CNTNAP2: variants seen among roughly 807,000 people sequenced by gnomAD.
The protein encoded by CNTNAP2 is contactin-associated protein-like 2.
In CNTNAP2, 98 loss-of-function variants were observed where a neutral mutation model predicts 155.2. The observed-to-expected ratio is 0.63, with a 90% CI of 0.54 to 0.75. The LOEUF (loss-of-function observed/expected upper bound fraction) is 0.75, where lower values mean the gene tolerates loss of function less well. Among genes scored for constraint, CNTNAP2 ranks in the 30% least tolerant of loss-of-function variants. The probability of loss-of-function intolerance (pLI) is 0.00; values close to 1 mark genes in which losing one functional copy is unlikely to be tolerated. For synonymous variants in CNTNAP2, 651 were observed against 631.2 expected (o/e 1.03, Z -0.47); for missense variants, 1,727 against 1,688.1 (o/e 1.02, Z -0.40).
intron 7 of CNTNAP2, 30 bp downstream of exon 7, chr7:147,128,866 C>A: frequency 6.2e-7 from 1 of 1,613,244 alleles, no homozygotes; most frequent in Non-Finnish European, 8.5e-7. Flanking sequence ...AAATATTGGT[C>A]TATAAAATAT....
intron 20 of CNTNAP2, among the ~76,000 whole-genome samples, chr7:148,260,371 A>T (rs1796537082): frequency 6.6e-6 from 1 of 152,176 alleles, no homozygotes; most frequent in South Asian, 2.1e-4. Context: ...ATACGAGATC[A>T]TACCTATCTA....
rs574277649 is a variant in CNTNAP2, at chr7:146,348,930, A to G, written c.97+231957A>G. On this transcript the variant is annotated intron_variant, in intron 1 of 23. Transcript: ENST00000361727. Reference sequence around the variant, plus strand: ...ATAAGAGATAGACTTTCTTCTTATAAGTTCATCAGTTTCAAATAATCTTGC... The same window carrying G: ...ATAAGAGATAGACTTTCTTCTTATAGGTTCATCAGTTTCAAATAATCTTGC... Among the ~76,000 whole-genome samples the G allele has an allele frequency of 2.0e-5, 3 of 151,670 alleles. No individual in the cohort carries two copies. The South Asian group carries it at 6.2e-4, about 31-fold the overall frequency.
chr7:146,662,938 C>T (rs1359126435), intron 1 of CNTNAP2, among the ~76,000 whole-genome samples: 1 of 151,996 alleles, frequency 6.6e-6, no homozygotes, highest in Non-Finnish European at 1.5e-5. Context: ...TATTTATGTC[C>T]TTTTGCAAAC....
At chr7:148,072,928 A>C (rs373796922) in intron 15 of CNTNAP2, among the ~76,000 whole-genome samples, 1 of 152,108 alleles carries the variant, frequency 6.6e-6, no homozygotes, top group Non-Finnish European at 1.5e-5. Context: ...GGCTTGTCTC[A>C]GACTCCTGAC....
intron 3 of CNTNAP2, among the ~76,000 whole-genome samples, chr7:146,920,109 T>C (rs1796471772): frequency 6.6e-6 from 1 of 152,160 alleles, no homozygotes; most frequent in Non-Finnish European, 1.5e-5. Flanking sequence ...ATCTCAAATG[T>C]TACCATAAAA....
intron 13 of CNTNAP2, among the ~76,000 whole-genome samples, chr7:147,865,268 G>A (rs140088163): frequency 0.033 from 4,968 of 152,276 alleles, 138 homozygotes; most frequent in Non-Finnish European, 0.052. Flanking sequence ...TGCATCCCAG[G>A]GATGAAGCTG....
intron 9 of CNTNAP2, among the ~76,000 whole-genome samples, chr7:147,333,165 A>G (rs183243711): frequency 1.2e-4 from 18 of 152,288 alleles, no homozygotes; most frequent in African/African-American, 4.3e-4. Flanking sequence ...GCACAAGCCA[A>G]GACAGATGGA....
chr7:146,778,547 C>T (rs1802429608), intron 2 of CNTNAP2, among the ~76,000 whole-genome samples: 1 of 152,152 alleles, frequency 6.6e-6, no homozygotes, highest in Non-Finnish European at 1.5e-5. Context: ...TTTAATCCAT[C>T]GAAGGCTTCC....
intron 8 of CNTNAP2, among the ~76,000 whole-genome samples, chr7:147,200,437 G>A (rs1802899552): frequency 6.6e-6 from 1 of 152,052 alleles, no homozygotes; most frequent in African/African-American, 2.4e-5. Context: ...TAATTCAGAG[G>A]GTCTGCATAC....
At chr7:147,002,295 C>T (rs1320316768) in intron 3 of CNTNAP2, among the ~76,000 whole-genome samples, 3 of 152,008 alleles carry the variant, frequency 2.0e-5, no homozygotes, top group African/African-American at 7.2e-5. Context: ...AATGAAGGTT[C>T]TGCAGCTTCC....
intron 1 of CNTNAP2, among the ~76,000 whole-genome samples, chr7:146,166,845 C>T (rs1798319121): frequency 6.6e-6 from 1 of 152,136 alleles, no homozygotes; most frequent in Non-Finnish European, 1.5e-5. Flanking sequence ...TGCTTGAGCA[C>T]CCAAGGGCTC....
intron 2 of CNTNAP2, chr7:146,782,332 T>A (rs1802505971): frequency 6.6e-6 from 1 of 152,210 alleles, no homozygotes; most frequent in African/African-American, 2.4e-5. Flanking sequence ...AATGGGGCAT[T>A]TCAGGATATT....
chr7:146,753,108 T>A (rs1801934219), intron 1 of CNTNAP2, among the ~76,000 whole-genome samples: 1 of 152,170 alleles, frequency 6.6e-6, no homozygotes, highest in African/African-American at 2.4e-5. Flanking sequence ...TAAATCTAAA[T>A]AAATTCTACT....
chr7:147,854,556 C>A (rs1039628063), intron 13 of CNTNAP2, among the ~76,000 whole-genome samples: 5 of 152,076 alleles, frequency 3.3e-5, no homozygotes, highest in Non-Finnish European at 7.3e-5. Context: ...ATATAAAACT[C>A]CCCAGCCCCT....
chr7:148,041,889 T>A (rs757697), intron 15 of CNTNAP2, among the ~76,000 whole-genome samples: 50,825 of 151,964 alleles, frequency 0.33, 9,460 homozygotes, highest in East Asian at 0.76. Flanking sequence ...ATTATTTTTT[T>A]AAAAAACTGG....
At chr7:147,396,768 T>A (rs1796823692) in intron 10 of CNTNAP2, among the ~76,000 whole-genome samples, 1 of 152,038 alleles carries the variant, frequency 6.6e-6, no homozygotes, top group African/African-American at 2.4e-5. Context: ...CTAAGATATA[T>A]TGAAGTCTTT....
intron 14 of CNTNAP2, among the ~76,000 whole-genome samples, chr7:147,923,853 CGT>C (rs952434377): frequency 1.2e-4 from 18 of 152,036 alleles, no homozygotes; most frequent in Admixed American, 5.2e-4. Context: ...CAGAAAAAAA[CGT>C]AGTCTGCAAA....
chr7:146,150,607 G>A (rs557186155), intron 1 of CNTNAP2, among the ~76,000 whole-genome samples: 11 of 150,916 alleles, frequency 7.3e-5, no homozygotes, highest in Non-Finnish European at 1.2e-4. Flanking sequence ...ACCTACATAG[G>A]GGCAATTTAA....
intron 1 of CNTNAP2, among the ~76,000 whole-genome samples, chr7:146,215,998 G>A (rs1799106599): frequency 2.0e-5 from 3 of 152,214 alleles, no homozygotes; most frequent in Non-Finnish European, 4.4e-5. Context: ...AAATGAGACA[G>A]GGAAGGGAGG....
Sources: gnomAD v4.1 joint callset for allele counts (sites outside exome capture counted in the v4.1 genomes callset) on GRCh38, gnomAD v4.1.1 for gene constraint, MANE v1.5 for transcripts, NCBI Gene and HGNC (gene_info 2026-07-23, HGNC 2026-07-21) for gene names.